The following SAMSN1 variants were observed in gnomAD, a reference collection of about 807,000 sequenced individuals.
SAMSN1 encodes SAM domain, SH3 domain and nuclear localization signals 1.
In SAMSN1, 31 loss-of-function variants were observed where a neutral mutation model predicts 42.0. That is an observed-to-expected ratio of 0.74 (90% CI 0.55 to 1.00). The LOEUF (loss-of-function observed/expected upper bound fraction) is 1.00, where lower values mean the gene tolerates loss of function less well. Ranked by LOEUF, SAMSN1 falls within the 50% of genes least tolerant of loss-of-function variation. SAMSN1 has a pLI of 0.00. For synonymous variants in SAMSN1, 178 were observed against 151.9 expected (o/e 1.17, Z -1.26); for missense variants, 464 against 439.4 (o/e 1.06, Z -0.50).
chr21:14,487,315 C>G (rs939143757), intron 7 of SAMSN1, among the ~76,000 whole-genome samples: 2 of 151,812 alleles, frequency 1.3e-5, no homozygotes, highest in Non-Finnish European at 2.9e-5. Flanking sequence ...TAATTTATAT[C>G]TAGGAAATCT....
Position 14,521,147 on chromosome 21 carries a change from A to G in SAMSN1, c.129+3T>C. ...ATTCATAAAAATGGAATAAACTACG[A>G]ACCTCAGTTGAATCATCTGGTTTTG... On this transcript the variant is annotated splice_donor_region_variant and intron_variant, in intron 2 of 7. Coordinates refer to ENST00000400566, the MANE Select transcript of SAMSN1 (RefSeq NM_022136.5). 1.3e-6 allele frequency: 2 copies of G among 1,588,890 alleles called. No individual in the cohort carries two copies. Among genetic ancestry groups the G allele is most frequent in the Non-Finnish European group, 1.7e-6 (2 of 1,160,704 alleles).
upstream of SAMSN1, among the ~76,000 whole-genome samples, chr21:14,550,758 GAC>G (rs1568804857): frequency 6.6e-6 from 1 of 151,932 alleles, no homozygotes; most frequent in East Asian, 1.9e-4. Context: ...CAGTAACACA[GAC>G]AAATACTGGA....
intron 3 of SAMSN1, 92 bp from the exon 4 acceptor site, chr21:14,512,665 CA>C: frequency 8.5e-7 from 1 of 1,172,928 alleles, no homozygotes; most frequent in Non-Finnish European, 1.2e-6. Context: ...CATATTTTAG[CA>C]ATAAAATACT....
intron 5 of SAMSN1, 52 bp from the exon 6 acceptor site, chr21:14,500,787 G>C: frequency 7.5e-7 from 1 of 1,335,008 alleles, no homozygotes; most frequent in Non-Finnish European, 1.1e-6. Flanking sequence ...CTCACTGATA[G>C]AAAGAATGAA....
intron 1 of SAMSN1, among the ~76,000 whole-genome samples, chr21:14,532,239 G>A (rs1256835813): frequency 2.0e-5 from 3 of 152,092 alleles, no homozygotes; most frequent in Non-Finnish European, 4.4e-5. Context: ...CATGCTTTAT[G>A]CCACCTGAGG....
At chr21:14,528,251 T>C (rs1382809032) in intron 1 of SAMSN1, among the ~76,000 whole-genome samples, 1 of 152,160 alleles carries the variant, frequency 6.6e-6, no homozygotes, top group African/African-American at 2.4e-5. Flanking sequence ...CACTTTCTAT[T>C]CCTTCTTTCT....
At chr21:14,570,087 A>G (rs2123216966) in intron 2 of SAMSN1, among the ~76,000 whole-genome samples, 1 of 152,060 alleles carries the variant, frequency 6.6e-6, no homozygotes, top group South Asian at 2.1e-4. Context: ...GTTGACTATC[A>G]CATGCGAGAA....
chr21:14,578,537 G>C (rs867970136), intron 2 of SAMSN1, among the ~76,000 whole-genome samples: 2 of 151,870 alleles, frequency 1.3e-5, no homozygotes, highest in Non-Finnish European at 2.9e-5. Flanking sequence ...ACAAAAATAA[G>C]CCGGGCATGG....
rs1373463868 is a variant in SAMSN1 at position 14,518,935 on chromosome 21, TTAC to T, written c.130-1897_130-1895del. On this transcript the variant is annotated intron_variant, in intron 2 of 7. Coordinates refer to ENST00000400566, the MANE Select transcript of SAMSN1 (RefSeq NM_022136.5). ...TGCTAACATAAATAAGAAATGTTAATTACTACTTGTGTTACTCTACCATTTCTA... is the reference window on the plus strand; with the variant it reads ...TGCTAACATAAATAAGAAATGTTAATTACTTGTGTTACTCTACCATTTCTA... 2.0e-5 allele frequency among the ~76,000 whole-genome samples: 3 copies of T among 152,176 alleles called. No homozygotes were observed. The East Asian group carries it at 5.8e-4, about 29-fold the overall frequency.
intron 2 of SAMSN1, among the ~76,000 whole-genome samples, chr21:14,577,542 A>G (rs1181702983): frequency 2.6e-5 from 4 of 151,946 alleles, no homozygotes; most frequent in African/African-American, 9.7e-5. Context: ...CACAGCCCAC[A>G]AACTCTATCC....
chr21:14,492,820 A>G (rs1986750114), intron 7 of SAMSN1, among the ~76,000 whole-genome samples: 1 of 152,254 alleles, frequency 6.6e-6, no homozygotes, highest in African/African-American at 2.4e-5. Flanking sequence ...AACAACTATG[A>G]CTATAGATAT....
chr21:14,644,057 ACTCTGTGT>A (rs1983658652), intron 1 of SAMSN1, among the ~76,000 whole-genome samples: 1 of 151,932 alleles, frequency 6.6e-6, no homozygotes, highest in Non-Finnish European at 1.5e-5. Flanking sequence ...GGGCTGCAGC[ACTCTGTGT>A]CTCCAGTAAA....
At chr21:14,590,936 G>A (rs1325222376) in intron 7 of SAMSN1, among the ~76,000 whole-genome samples, 1 of 151,990 alleles carries the variant, frequency 6.6e-6, no homozygotes, top group Non-Finnish European at 1.5e-5. Context: ...TAAAACCAAT[G>A]GGATTATGAA....
At chr21:14,545,757 A>G (rs1568802151) in intron 1 of SAMSN1, among the ~76,000 whole-genome samples, 1 of 152,200 alleles carries the variant, frequency 6.6e-6, no homozygotes, top group Non-Finnish European at 1.5e-5. Context: ...AAAGTCTTAT[A>G]TTTAACCATA....
chr21:14,564,605 A>G (rs1981051059), intron 2 of SAMSN1, among the ~76,000 whole-genome samples: 1 of 152,232 alleles, frequency 6.6e-6, no homozygotes, highest in Non-Finnish European at 1.5e-5. Context: ...TAGTGGAGAA[A>G]GATGATAAGC....
intron 1 of SAMSN1, among the ~76,000 whole-genome samples, chr21:14,651,460 A>T (rs539974345): frequency 6.6e-6 from 1 of 152,174 alleles, no homozygotes; most frequent in Non-Finnish European, 1.5e-5. Context: ...TTATACTAAA[A>T]AATCATTTTA....
At chr21:14,614,788 G>A (rs1982794174) in intron 3 of SAMSN1, among the ~76,000 whole-genome samples, 1 of 152,082 alleles carries the variant, frequency 6.6e-6, no homozygotes. Context: ...ATAATAACAT[G>A]AGACATCATT....
At chr21:14,516,583 G>A (rs1987929876) in intron 3 of SAMSN1, among the ~76,000 whole-genome samples, 1 of 152,006 alleles carries the variant, frequency 6.6e-6, no homozygotes, top group Admixed American at 6.6e-5. Flanking sequence ...GTAGAGACGG[G>A]GTTTCACCAT....
intron 1 of SAMSN1, among the ~76,000 whole-genome samples, chr21:14,530,601 C>T (rs994062897): frequency 3.9e-5 from 6 of 152,170 alleles, no homozygotes; most frequent in African/African-American, 1.4e-4. Flanking sequence ...GATGAACTAT[C>T]TCTTGAAACT....
Sources: gnomAD v4.1 joint callset for allele counts (sites outside exome capture counted in the v4.1 genomes callset) on GRCh38, gnomAD v4.1.1 for gene constraint, MANE v1.5 for transcripts, NCBI Gene and HGNC (gene_info 2026-07-23, HGNC 2026-07-21) for gene names.